DZIP3: variants seen among roughly 807,000 people sequenced by gnomAD.
DZIP3 encodes DAZ interacting zinc finger protein 3, also known as E3 ubiquitin-protein ligase DZIP3.
A neutral mutation model predicts 162.0 loss-of-function variants in DZIP3; 118 were observed. The observed-to-expected ratio is 0.73, with a 90% CI of 0.63 to 0.85. The LOEUF (loss-of-function observed/expected upper bound fraction) is 0.85. Ranked by LOEUF, DZIP3 falls within the 40% of genes least tolerant of loss-of-function variation. DZIP3 has a pLI of 0.00. For missense variants in DZIP3, 1,331 were observed against 1,407.0 expected, an observed-to-expected ratio of 0.95 and a Z score of 0.86; for synonymous variants, 438 against 458.6, an observed-to-expected ratio of 0.96 and a Z score of 0.57.
At chr3:108,686,615 A>G in intron 28 of DZIP3, 31 bp downstream of exon 28, 2 of 1,503,684 alleles carry the variant, frequency 1.3e-6, no homozygotes, top group South Asian at 1.4e-5. Flanking sequence ...TGGTGGGTAC[A>G]GATCATATTC....
intron 19 of DZIP3, among the ~76,000 whole-genome samples, chr3:108,657,478 T>C (rs1211011107): frequency 2.0e-5 from 3 of 151,792 alleles, no homozygotes; most frequent in Non-Finnish European, 4.4e-5. Context: ...CTAAAAGAGC[T>C]CCTGAAGGAA....
At chr3:108,608,899 A>G (rs1002371985) in intron 3 of DZIP3, among the ~76,000 whole-genome samples, 1 of 152,180 alleles carries the variant, frequency 6.6e-6, no homozygotes, top group Non-Finnish European at 1.5e-5. Flanking sequence ...GTTTAATTGA[A>G]TCACAGTTTC....
intron 1 of DZIP3, among the ~76,000 whole-genome samples, chr3:108,593,616 A>G (rs1246189716): frequency 6.6e-6 from 1 of 151,802 alleles, no homozygotes; most frequent in African/African-American, 2.4e-5. Flanking sequence ...TAAAATCATT[A>G]AGCTTGATAG....
chr3:108,653,356 A>C (rs1318947452), intron 18 of DZIP3, among the ~76,000 whole-genome samples: 1 of 151,522 alleles, frequency 6.6e-6, no homozygotes, highest in African/African-American at 2.4e-5. Context: ...ATCACACTCT[A>C]AGTAAAAATA....
intron 4 of DZIP3, among the ~76,000 whole-genome samples, chr3:108,613,575 A>G (rs1414760191): frequency 2.0e-5 from 3 of 152,188 alleles, no homozygotes; most frequent in Admixed American, 1.3e-4. Flanking sequence ...ATATTTTAAC[A>G]TACTTCTCTT....
chr3:108,644,287 A>G lies in DZIP3; in HGVS notation c.1265A>G (p.Lys422Arg), dbSNP rs745754648. The G allele has an allele frequency of 2.5e-6, 4 of 1,613,844 alleles. No homozygotes were observed. Among genetic ancestry groups the G allele is most frequent in the East Asian group, 2.2e-5 (1 of 44,876 alleles). ...FDEAMPPPLLKKELLIHKNVL... is the reference protein window; with the variant it reads ...FDEAMPPPLLRKELLIHKNVL... ...GAGGCTATGCCACCTCCTCTTTTGA[A>G]AAAAGAGCTTCTTATACACAAGAAT... The change falls in exon 14 of 33, where the codon AAA becomes AGA. Residue 422 changes from lysine to arginine, a missense_variant. This residue lies in a region of DZIP3 where 1,278 missense variants were observed against 1,317.1 expected (regional missense o/e 0.97). Transcript: ENST00000361582.
intron 5 of DZIP3, among the ~76,000 whole-genome samples, chr3:108,616,875 G>C (rs531966621): frequency 6.6e-6 from 1 of 152,196 alleles, no homozygotes; most frequent in East Asian, 1.9e-4. Flanking sequence ...TTTCTCATGT[G>C]ACTGGCTCTG....
At chr3:108,682,188 C>T (rs914514040) in intron 26 of DZIP3, among the ~76,000 whole-genome samples, 19 of 150,888 alleles carry the variant, frequency 1.3e-4, no homozygotes, top group Admixed American at 4.6e-4. Context: ...TGTAAATTAG[C>T]GCAGCTATTA....
intron 1 of DZIP3, among the ~76,000 whole-genome samples, chr3:108,604,452 C>T (rs1271601759): frequency 6.6e-6 from 1 of 152,190 alleles, no homozygotes; most frequent in African/African-American, 2.4e-5. Context: ...GAGGCTTGAA[C>T]TTTCAGTAAG....
chr3:108,606,581 C>T (rs748823927), intron 2 of DZIP3, among the ~76,000 whole-genome samples: 3 of 152,060 alleles, frequency 2.0e-5, no homozygotes, highest in Non-Finnish European at 1.5e-5. Flanking sequence ...TTGAACTGAT[C>T]TTTAAAGAAT....
At chr3:108,616,183 G>A (rs1940994421) in intron 4 of DZIP3, among the ~76,000 whole-genome samples, 1 of 152,072 alleles carries the variant, frequency 6.6e-6, no homozygotes. Flanking sequence ...AGAATGGTGT[G>A]AACACGGGAG....
intron 8 of DZIP3, among the ~76,000 whole-genome samples, chr3:108,630,596 G>T (rs2107589087): frequency 6.6e-6 from 1 of 152,022 alleles, no homozygotes. Context: ...TTTTAATTTT[G>T]ACTTGCTAAA....
intron 1 of DZIP3, among the ~76,000 whole-genome samples, chr3:108,604,943 A>G (rs1940249247): frequency 6.6e-6 from 1 of 152,000 alleles, no homozygotes; most frequent in Admixed American, 6.5e-5. Flanking sequence ...GGAACTATTT[A>G]TAATAGAAAA....
intron 19 of DZIP3, among the ~76,000 whole-genome samples, chr3:108,656,831 T>C (rs1466954704): frequency 6.6e-6 from 1 of 152,156 alleles, no homozygotes. Context: ...GCACAAGAAC[T>C]ATGTGACGAA....
chr3:108,617,109 T>A (rs577554480), intron 5 of DZIP3, among the ~76,000 whole-genome samples: 2 of 152,156 alleles, frequency 1.3e-5, no homozygotes, highest in South Asian at 4.2e-4. Context: ...GGGTAAGGGG[T>A]CAGGAGTACA....
At chr3:108,604,939 AT>A (rs796787271) in intron 1 of DZIP3, among the ~76,000 whole-genome samples, 7 of 152,166 alleles carry the variant, frequency 4.6e-5, no homozygotes, top group African/African-American at 1.7e-4. Flanking sequence ...TCATGGAACT[AT>A]TTATAATAGA....
At chr3:108,640,091 A>G (rs1265902993) in intron 12 of DZIP3, among the ~76,000 whole-genome samples, 1 of 152,088 alleles carries the variant, frequency 6.6e-6, no homozygotes, top group Non-Finnish European at 1.5e-5. Context: ...CTTTCCAGAT[A>G]TTCACTTTTA....
chr3:108,616,787 G>A (rs1340662988), intron 5 of DZIP3, 130 bp downstream of exon 5: 3 of 617,008 alleles, frequency 4.9e-6, no homozygotes, highest in Non-Finnish European at 8.4e-6. Flanking sequence ...TCTAGAAAAG[G>A]GTATGTATAA....
chr3:108,630,448 T>C (rs531767036), intron 8 of DZIP3, among the ~76,000 whole-genome samples: 2 of 152,218 alleles, frequency 1.3e-5, no homozygotes, highest in South Asian at 4.1e-4. Context: ...CTTCAAAATA[T>C]ATGGGACAAA....
Sources: gnomAD v4.1 joint callset for allele counts (sites outside exome capture counted in the v4.1 genomes callset) on GRCh38, gnomAD v4.1.1 for gene constraint, gnomAD v4.1.1 regional missense constraint, MANE v1.5 for transcripts, NCBI Gene and HGNC (gene_info 2026-07-23, HGNC 2026-07-21) for gene names.